CEP126: variants seen among roughly 807,000 people sequenced by gnomAD.
The protein encoded by CEP126 is centrosomal protein of 126 kDa.
A neutral mutation model predicts 107.8 loss-of-function variants in CEP126; 74 were observed. That is an observed-to-expected ratio of 0.69 (90% CI 0.57 to 0.83). The LOEUF (loss-of-function observed/expected upper bound fraction) is 0.83. Among genes scored for constraint, CEP126 ranks in the 40% least tolerant of loss-of-function variants. The pLI is 0.00. For missense variants in CEP126, 1,237 were observed against 1,281.9 expected (o/e 0.96, Z 0.53); for synonymous variants, 449 against 446.0 (o/e 1.01, Z -0.08).
chr11:101,976,125 C>A (rs753570048), intron 6 of CEP126, among the ~76,000 whole-genome samples: 19 of 152,130 alleles, frequency 1.2e-4, no homozygotes, highest in Admixed American at 4.6e-4. Flanking sequence ...TTGATGGGTA[C>A]TTCTGTTTTA....
intron 1 of CEP126, among the ~76,000 whole-genome samples, chr11:101,921,949 C>T (rs564575292): frequency 1.3e-5 from 2 of 150,918 alleles, no homozygotes; most frequent in African/African-American, 4.9e-5. Flanking sequence ...CCACGCCCGC[C>T]TAATTTTTGT....
rs557652395 is a variant in CEP126, at chr11:101,940,219, C to T, written c.249-4046C>T. Among the ~76,000 whole-genome samples, 4 of 152,256 alleles carry T rather than the reference C, an allele frequency of 2.6e-5. No individual in the cohort carries two copies. In the South Asian group the frequency reaches 6.2e-4, roughly 24 times the overall value. On this transcript the variant is annotated intron_variant, in intron 2 of 10. Transcript: ENST00000263468. ...GTTGCCTAAGTTGGCAGTTGCAGTG[C>T]GCTGATACTCTGAAACTGAATAATG... is the stretch of plus-strand genomic sequence containing the variant.
At chr11:101,957,147 G>C (rs1365439854) in intron 4 of CEP126, among the ~76,000 whole-genome samples, 5 of 152,104 alleles carry the variant, frequency 3.3e-5, no homozygotes, top group Admixed American at 3.3e-4. Flanking sequence ...AGTTAATCTA[G>C]TAATCATTGA....
intron 1 of CEP126, chr11:101,915,959 C>A (rs1379831542): frequency 6.6e-6 from 1 of 152,222 alleles, no homozygotes; most frequent in Non-Finnish European, 1.5e-5. Flanking sequence ...AAACAGGGGA[C>A]CTGGACGCTT....
chr11:101,941,109 T>A (rs1162201245), intron 2 of CEP126, among the ~76,000 whole-genome samples: 3 of 152,230 alleles, frequency 2.0e-5, no homozygotes, highest in African/African-American at 7.2e-5. Context: ...CTAAGCAAGC[T>A]GTGCCTCCTT....
At chr11:101,948,511 T>C (rs1940769606) in intron 4 of CEP126, among the ~76,000 whole-genome samples, 1 of 152,146 alleles carries the variant, frequency 6.6e-6, no homozygotes, top group Non-Finnish European at 1.5e-5. Flanking sequence ...AGTAATTTTA[T>C]GGTAGAAATG....
chr11:101,945,534 A>G (rs143648572), intron 3 of CEP126, among the ~76,000 whole-genome samples: 1 of 152,348 alleles, frequency 6.6e-6, no homozygotes, highest in East Asian at 1.9e-4. Context: ...AAGGGCAGCT[A>G]GTAAAACTGC....
chr11:101,948,014 C>G lies in CEP126; in HGVS notation c.395-17C>G. The G allele has an allele frequency of 2.0e-6, 3 of 1,481,378 alleles. No homozygotes were observed. The highest frequency in any genetic ancestry group is 2.8e-6 in the Non-Finnish European group (3 of 1,063,056). The allele number at this position is 1,481,378 out of a possible 1,614,324, so 91.8% of individuals were successfully genotyped here. A position where few individuals can be genotyped will look rare whatever the true frequency, so the allele number is the denominator to read the frequency against. Reference sequence around the variant, plus strand: ...ATAAAGTGATTCTGTACTGTTCGGTCTTTATTATCTCTTTAGTTTCCCGAA... The same window carrying G: ...ATAAAGTGATTCTGTACTGTTCGGTGTTTATTATCTCTTTAGTTTCCCGAA... On this transcript the variant is annotated splice_polypyrimidine_tract_variant and intron_variant, in intron 3 of 10. Transcript: ENST00000263468.
chr11:101,938,042 A>G (rs866783908), intron 2 of CEP126, among the ~76,000 whole-genome samples: 8 of 150,724 alleles, frequency 5.3e-5, no homozygotes, highest in Non-Finnish European at 1.2e-4. Flanking sequence ...AGTCCCAGCT[A>G]CTCGGGAGGC....
intron 4 of CEP126, chr11:101,956,625 G>C (rs762400174): frequency 4.4e-6 from 2 of 455,956 alleles, no homozygotes; most frequent in South Asian, 1.5e-5. Flanking sequence ...TCGACTTCCT[G>C]TTCTACTTCT....
intron 2 of CEP126, 106 bp from the exon 3 acceptor site, chr11:101,944,159 A>C (rs1228827681): frequency 1.2e-5 from 13 of 1,073,826 alleles, no homozygotes; most frequent in Non-Finnish European, 1.5e-5. Flanking sequence ...TTTTTAAATA[A>C]AATTTTGAAA....
chr11:101,936,469 T>A (rs1351658617), intron 2 of CEP126, among the ~76,000 whole-genome samples: 2 of 152,150 alleles, frequency 1.3e-5, no homozygotes, highest in Non-Finnish European at 2.9e-5. Context: ...ATTTTATATA[T>A]TCCTGATGAT....
rs962475500 is a variant in CEP126, at chr11:101,938,788, A to T, written c.249-5477A>T. 1.8e-4 allele frequency among the ~76,000 whole-genome samples: 28 copies of T among 151,914 alleles called. 1 individual carries two copies. Among genetic ancestry groups the T allele is most frequent in the Admixed American group, 1.6e-3 (24 of 15,254 alleles). ...ATTTTAATTTTTATATCATTCAAAA[A>T]TTTTTTTTACTTCTCTTTAGATTTT... On this transcript the variant is annotated intron_variant, in intron 2 of 10. Coordinates refer to ENST00000263468, the MANE Select transcript of CEP126 (RefSeq NM_020802.4).
At chr11:101,930,523 C>T (rs1940481918) in intron 2 of CEP126, among the ~76,000 whole-genome samples, 1 of 152,126 alleles carries the variant, frequency 6.6e-6, no homozygotes, top group Non-Finnish European at 1.5e-5. Context: ...TGACCAGCAG[C>T]AAGATTTATT....
At chr11:101,920,797 G>A (rs780915805) in intron 1 of CEP126, among the ~76,000 whole-genome samples, 22 of 151,770 alleles carry the variant, frequency 1.4e-4, no homozygotes, top group Admixed American at 2.6e-4. Context: ...GTAGAGCCGG[G>A]GTTTCACCAT....
chr11:101,957,034 G>GATTATCTTA (rs1940908769), intron 4 of CEP126: 1 of 288,026 alleles, frequency 3.5e-6, no homozygotes, highest in Non-Finnish European at 6.7e-6. Flanking sequence ...TCTAAGAGTA[G>GATTATCTTA]GAAAGTGTAA....
At chr11:101,970,157 A>G (rs1019273790) in intron 6 of CEP126, among the ~76,000 whole-genome samples, 2 of 152,220 alleles carry the variant, frequency 1.3e-5, no homozygotes, top group Non-Finnish European at 2.9e-5. Context: ...TTTGCAATGC[A>G]TATTACTGAC....
chr11:101,987,414 A>G (rs528560684), intron 9 of CEP126, among the ~76,000 whole-genome samples: 1 of 152,322 alleles, frequency 6.6e-6, no homozygotes, highest in South Asian at 2.1e-4. Context: ...CTTAAGACCA[A>G]TAACTAAATG....
intron 6 of CEP126, among the ~76,000 whole-genome samples, chr11:101,969,651 G>A (rs1462049638): frequency 6.6e-6 from 1 of 152,154 alleles, no homozygotes; most frequent in East Asian, 1.9e-4. Flanking sequence ...ATATGGAAAT[G>A]CAAAGGCAAA....
Sources: gnomAD v4.1 joint callset for allele counts (sites outside exome capture counted in the v4.1 genomes callset) on GRCh38, gnomAD v4.1.1 for gene constraint, MANE v1.5 for transcripts, NCBI Gene and HGNC (gene_info 2026-07-23, HGNC 2026-07-21) for gene names.